The following HS3ST4 variants were observed in gnomAD, a reference collection of about 807,000 sequenced individuals.
HS3ST4 encodes the protein heparan sulfate glucosamine 3-O-sulfotransferase 4.
Under a neutral mutation model 29.2 loss-of-function variants are expected in HS3ST4, and 17 were observed. That is an observed-to-expected ratio of 0.58 (90% CI 0.40 to 0.87). HS3ST4 has a LOEUF of 0.87. Among genes scored for constraint, HS3ST4 ranks in the 40% least tolerant of loss-of-function variants. The probability of loss-of-function intolerance (pLI) is 0.00; values close to 1 mark genes in which losing one functional copy is unlikely to be tolerated. For missense variants in HS3ST4, 627 were observed against 634.5 expected (o/e 0.99, Z 0.13); for synonymous variants, 314 against 285.7 (o/e 1.10, Z -1.00).
chr16:25,880,640 A>G (rs1967884802), intron 1 of HS3ST4, among the ~76,000 whole-genome samples: 2 of 152,172 alleles, frequency 1.3e-5, no homozygotes, highest in African/African-American at 4.8e-5. Flanking sequence ...ACTAATGGGC[A>G]TTTGTCACCT....
intron 1 of HS3ST4, among the ~76,000 whole-genome samples, chr16:25,903,507 T>A (rs1968143275): frequency 6.6e-6 from 1 of 152,022 alleles, no homozygotes; most frequent in Non-Finnish European, 1.5e-5. Flanking sequence ...TTAAATTAAG[T>A]GCCCTTCAAC....
chr16:25,977,609 C>T (rs1044446112), intron 1 of HS3ST4, among the ~76,000 whole-genome samples: 5 of 152,178 alleles, frequency 3.3e-5, no homozygotes, highest in African/African-American at 1.2e-4. Context: ...TCTGAACTTG[C>T]CCTTGAATGA....
chr16:25,754,709 A>G (rs937747311), intron 1 of HS3ST4, among the ~76,000 whole-genome samples: 1 of 152,128 alleles, frequency 6.6e-6, no homozygotes, highest in South Asian at 2.1e-4. Flanking sequence ...CCTGAGGACT[A>G]TCACGATCAC....
intron 1 of HS3ST4, among the ~76,000 whole-genome samples, chr16:26,066,243 G>T (rs1356260910): frequency 6.6e-6 from 1 of 152,196 alleles, no homozygotes; most frequent in Non-Finnish European, 1.5e-5. Flanking sequence ...AGTACAAGGG[G>T]TATGAGCTAA....
chr16:25,925,387 G>A (rs1968391674), intron 1 of HS3ST4, among the ~76,000 whole-genome samples: 1 of 152,006 alleles, frequency 6.6e-6, no homozygotes, highest in African/African-American at 2.4e-5. Flanking sequence ...GCTGCTTTTG[G>A]CCTCAGCTTT....
chr16:25,791,629 T>C lies in HS3ST4; in HGVS notation c.734+98478T>C, dbSNP rs148109083. Among the ~76,000 whole-genome samples the C allele has an allele frequency of 2.8e-4, 43 of 152,254 alleles. No individual in the cohort carries two copies. In the East Asian group the frequency reaches 7.1e-3, roughly 25 times the overall value. On this transcript the variant is annotated intron_variant, in intron 1 of 1. Coordinates refer to ENST00000331351, the MANE Select transcript of HS3ST4 (RefSeq NM_006040.3). ...CTTTTGTATAGAGTTTTATGTATCT[T>C]TTCTTAGATTTAGTCCTAAGTATTT...
chr16:25,841,726 C>T (rs1967414768), intron 1 of HS3ST4, among the ~76,000 whole-genome samples: 1 of 152,142 alleles, frequency 6.6e-6, no homozygotes, highest in African/African-American at 2.4e-5. Flanking sequence ...CAATTGTCTT[C>T]CAGTCTATGA....
At chr16:25,709,701 A>G (rs1966403354) in intron 1 of HS3ST4, among the ~76,000 whole-genome samples, 1 of 151,992 alleles carries the variant, frequency 6.6e-6, no homozygotes, top group Admixed American at 6.6e-5. Flanking sequence ...AATGGAAGGA[A>G]GAGAAGAAGA....
intron 1 of HS3ST4, among the ~76,000 whole-genome samples, chr16:25,807,269 C>T (rs376899593): frequency 2.0e-4 from 30 of 152,302 alleles, no homozygotes; most frequent in South Asian, 4.1e-4. Context: ...CCACCACGCC[C>T]GGCCTCTGGT....
At chr16:25,893,658 G>T (rs1013691473) in intron 1 of HS3ST4, among the ~76,000 whole-genome samples, 2 of 152,206 alleles carry the variant, frequency 1.3e-5, no homozygotes, top group Non-Finnish European at 2.9e-5. Flanking sequence ...CCCAGTTGGG[G>T]TCATATACCT....
intron 1 of HS3ST4, among the ~76,000 whole-genome samples, chr16:25,896,210 G>T (rs1300678184): frequency 6.6e-6 from 1 of 152,204 alleles, no homozygotes; most frequent in Non-Finnish European, 1.5e-5. Context: ...TCTGGGAACA[G>T]GTGGAGTGAT....
At chr16:26,036,508 C>T (rs1969584797) in intron 1 of HS3ST4, among the ~76,000 whole-genome samples, 1 of 152,216 alleles carries the variant, frequency 6.6e-6, no homozygotes, top group Admixed American at 6.5e-5. Context: ...TCTCACCCAC[C>T]TGCCCTGGAT....
chr16:25,946,723 G>C (rs939871928), intron 1 of HS3ST4, among the ~76,000 whole-genome samples: 3 of 152,286 alleles, frequency 2.0e-5, no homozygotes, highest in Admixed American at 6.5e-5. Flanking sequence ...GGTGCTAAGA[G>C]CATAGGGAAC....
At chr16:25,956,923 G>A (rs911448135) in intron 1 of HS3ST4, among the ~76,000 whole-genome samples, 8 of 151,346 alleles carry the variant, frequency 5.3e-5, no homozygotes, top group Admixed American at 2.6e-4. Context: ...GTGTGAACCC[G>A]GGAGGTGGAG....
intron 1 of HS3ST4, among the ~76,000 whole-genome samples, chr16:25,877,538 A>C (rs1967845070): frequency 6.6e-6 from 1 of 152,154 alleles, no homozygotes; most frequent in African/African-American, 2.4e-5. Flanking sequence ...CTAATATGAC[A>C]ACAGAGACAG....
At chr16:26,115,243 G>GTGTGTGTATATA (rs1341748115) in intron 1 of HS3ST4, among the ~76,000 whole-genome samples, 170 of 134,254 alleles carry the variant, frequency 1.3e-3, no homozygotes, top group African/African-American at 4.0e-3. Flanking sequence ...GTGTATGTGT[G>GTGTGTGTATATA]TGTATATATA....
intron 1 of HS3ST4, among the ~76,000 whole-genome samples, chr16:25,738,557 C>G (rs949905577): frequency 2.0e-5 from 3 of 152,118 alleles, no homozygotes; most frequent in African/African-American, 7.2e-5. Context: ...GGTGGGGTGT[C>G]AGGAGTTGCT....
rs149542532 is a variant in HS3ST4, at chr16:25,925,949, C to G, written c.735-209663C>G. 5.1e-3 allele frequency among the ~76,000 whole-genome samples: 772 copies of G among 152,232 alleles called. 6 individuals are homozygous for G. Among genetic ancestry groups the G allele is most frequent in the African/African-American group, 0.017 (704 of 41,534 alleles). ...GTTGTACTCCCTCTCTGCCTCCGCT[C>G]CCATGCCAGACCCTCTGTCTGGACA... On this transcript the variant is annotated intron_variant, in intron 1 of 1. Transcript: ENST00000331351.
At chr16:26,044,132 A>G (rs1898236994) in intron 1 of HS3ST4, among the ~76,000 whole-genome samples, 1 of 152,218 alleles carries the variant, frequency 6.6e-6, no homozygotes, top group Non-Finnish European at 1.5e-5. Context: ...GTTTTGGAAT[A>G]CTGGGTTCAC....
Sources: gnomAD v4.1 joint callset for allele counts (sites outside exome capture counted in the v4.1 genomes callset) on GRCh38, gnomAD v4.1.1 for gene constraint, MANE v1.5 for transcripts, NCBI Gene and HGNC (gene_info 2026-07-23, HGNC 2026-07-21) for gene names.